ADIPOR1: variants seen among roughly 807,000 people sequenced by gnomAD.
ADIPOR1 encodes adiponectin receptor 1.
ADIPOR1 carries 15 observed loss-of-function variants against 37.5 expected under a neutral mutation model. The observed-to-expected ratio is 0.40, with a 90% CI of 0.27 to 0.62. The LOEUF (loss-of-function observed/expected upper bound fraction) is 0.62. Among genes scored for constraint, ADIPOR1 ranks in the 20% least tolerant of loss-of-function variants. The pLI is 0.42. For synonymous variants in ADIPOR1, 173 were observed against 173.2 expected, an observed-to-expected ratio of 1.00 and a Z score of 0.01; for missense variants, 286 against 478.0, an observed-to-expected ratio of 0.60 and a Z score of 3.75.
chr1:202,944,597 G>C (rs1003093131), intron 5 of ADIPOR1: 1 of 157,020 alleles, frequency 6.4e-6, no homozygotes, highest in African/African-American at 2.4e-5. Context: ...TTGACTGCTG[G>C]GTAGGAGCAC....
At chr1:202,955,228 C>CGT (rs1553244015) in intron 1 of ADIPOR1, among the ~76,000 whole-genome samples, 2 of 146,816 alleles carry the variant, frequency 1.4e-5, no homozygotes, top group Non-Finnish European at 3.0e-5. Flanking sequence ...CAACAGAAGT[C>CGT]TTTTTTTTTT....
chr1:202,954,456 T>C (rs137919576), intron 1 of ADIPOR1: 1 of 152,322 alleles, frequency 6.6e-6, no homozygotes, highest in Non-Finnish European at 1.5e-5. Flanking sequence ...TTTTAGTCTA[T>C]GGTGTAAAAT....
At chr1:202,942,817 T>C (rs745434498) in intron 6 of ADIPOR1, among the ~76,000 whole-genome samples, 3 of 152,104 alleles carry the variant, frequency 2.0e-5, no homozygotes, top group Non-Finnish European at 2.9e-5. Context: ...GGCACGTGGC[T>C]GGTGCTTGAT....
At position 202,940,891 on chromosome 1, in the gene ADIPOR1, A is replaced by T. The variant is rs1016414254; in HGVS notation, c.*682T>A. 1 of 152,626 alleles carries T rather than the reference A, an allele frequency of 6.6e-6. No homozygotes were observed. Among genetic ancestry groups the T allele is most frequent in the Non-Finnish European group, 1.5e-5 (1 of 68,040 alleles). The allele number at this position is 152,626 out of a possible 1,614,324, so 9.5% of individuals were successfully genotyped here. ...TTAACATCATAGTCTTTGCATCAAG[A>T]TACATAGCAATGATAGCAGGTTTCT... On this transcript the variant is annotated 3_prime_UTR_variant, in exon 8 of 8. Transcript: ENST00000340990.
chr1:202,951,060 T>A lies in ADIPOR1; in HGVS notation c.11A>T (p.His4Leu), dbSNP rs765487840. 1.9e-6 allele frequency: 3 copies of A among 1,613,968 alleles called. No homozygotes were observed. Among genetic ancestry groups the A allele is most frequent in the Non-Finnish European group, 2.5e-6 (3 of 1,180,012 alleles). Reference sequence around the variant, plus strand: ...CCCCTGTGCCACCACAGATCCTTTGTGGGAAGACATCTGGCTGGTACCTCA... The same window carrying A: ...CCCCTGTGCCACCACAGATCCTTTGAGGGAAGACATCTGGCTGGTACCTCA... MSS[H>L]KGSVVAQGNG... is the part of the protein sequence containing the mutation. The change falls in exon 2 of 8, where the codon CAC becomes CTC. Residue 4 changes from histidine to leucine, a missense_variant. Coordinates refer to ENST00000340990, the MANE Select transcript of ADIPOR1 (RefSeq NM_015999.6).
intron 5 of ADIPOR1, 187 bp downstream of exon 5, chr1:202,944,796 G>T: frequency 2.0e-6 from 1 of 493,978 alleles, no homozygotes; most frequent in Non-Finnish European, 3.6e-6. Flanking sequence ...GATGCAGTAA[G>T]TCTGTTCATG....
intron 1 of ADIPOR1, among the ~76,000 whole-genome samples, chr1:202,951,444 C>T (rs918346075): frequency 3.3e-5 from 5 of 152,096 alleles, no homozygotes; most frequent in African/African-American, 1.2e-4. Context: ...CATAGAAAAA[C>T]AGCTACCCAC....
rs1427324737 is a variant in ADIPOR1 at position 202,941,360 on chromosome 1, A to T, written c.*213T>A. ...TGCCTTGCTGAGGAGGGGATGGCTA[A>T]GTTTGACCATGCCCCATCCCCAGCT... On this transcript the variant is annotated 3_prime_UTR_variant, in exon 8 of 8. Coordinates refer to ENST00000340990, the MANE Select transcript of ADIPOR1 (RefSeq NM_015999.6). 4.5e-6 allele frequency: 2 copies of T among 439,864 alleles called. No individual in the cohort carries two copies. The highest frequency in any genetic ancestry group is 7.7e-6 in the Non-Finnish European group (2 of 258,506). 27.2% of individuals were successfully genotyped at this position (439,864 alleles called of 1,614,324 possible).
chr1:202,954,828 T>G (rs1654714722), intron 1 of ADIPOR1, among the ~76,000 whole-genome samples: 1 of 152,206 alleles, frequency 6.6e-6, no homozygotes, highest in Non-Finnish European at 1.5e-5. Context: ...CACTTATAGT[T>G]TTTGGAGACA....
chr1:202,946,353 C>G (rs569945430), intron 4 of ADIPOR1, 86 bp downstream of exon 4: 6 of 1,512,512 alleles, frequency 4.0e-6, no homozygotes, highest in Non-Finnish European at 5.4e-6. Flanking sequence ...AGCTGCCAAT[C>G]GATCTGAACA....
At position 202,951,164 on chromosome 1, in the gene ADIPOR1, A is replaced by G. The variant is rs1426436199; in HGVS notation, c.-94T>C. 17 of 1,441,656 alleles carry G rather than the reference A, an allele frequency of 1.2e-5. 1 individual carries two copies. In the Admixed American group the frequency reaches 3.2e-4, roughly 27 times the overall value. The allele number at this position is 1,441,656 out of a possible 1,614,324, so 89.3% of individuals were successfully genotyped here. A position where few individuals can be genotyped will look rare whatever the true frequency, so the allele number is the denominator to read the frequency against. The stretch of plus-strand genomic sequence containing the variant: ...CAGAGATCTCCCTCTGATGGTAGAC[A>G]CTAAAAGAAAATACAAACATGAAGG... On this transcript the variant is annotated splice_region_variant and 5_prime_UTR_variant, in exon 2 of 8. Transcript: ENST00000340990.
chr1:202,958,379 C>T (rs7517286), upstream of ADIPOR1: 61,901 of 152,526 alleles, frequency 0.41, 13,079 homozygotes, highest in East Asian at 0.62. Flanking sequence ...ATCCTAGGCC[C>T]TCTCGCGGAG....
At chr1:202,955,611 T>TCA (rs1024678742) in intron 1 of ADIPOR1, among the ~76,000 whole-genome samples, 40 of 151,792 alleles carry the variant, frequency 2.6e-4, no homozygotes, top group Admixed American at 2.0e-3. Context: ...CTTTTTGGAG[T>TCA]CAGGGTCTTG....
At chr1:202,956,677 G>A (rs1379505757) in intron 1 of ADIPOR1, among the ~76,000 whole-genome samples, 2 of 152,178 alleles carry the variant, frequency 1.3e-5, no homozygotes, top group African/African-American at 2.4e-5. Flanking sequence ...GGCATTCCAG[G>A]AGGGTATATG....
Position 202,945,171 on chromosome 1 carries a change from T to C in ADIPOR1, c.431-2A>G. The stretch of plus-strand genomic sequence containing the variant: ...CCAAAAAGAGAAACAGCACGAAACC[T>C]GCAGGAGGGTAAAATAAAAAAAACC... On this transcript the variant is annotated splice_acceptor_variant, in intron 4 of 7. Coordinates refer to ENST00000340990, the MANE Select transcript of ADIPOR1 (RefSeq NM_015999.6). LOFTEE classifies it high-confidence loss of function. 1 of 1,588,982 alleles carries C rather than the reference T, an allele frequency of 6.3e-7. No homozygotes were observed.
At chr1:202,946,957 A>C (rs1558012097) in intron 3 of ADIPOR1, among the ~76,000 whole-genome samples, 1 of 151,806 alleles carries the variant, frequency 6.6e-6, no homozygotes, top group Non-Finnish European at 1.5e-5. Context: ...TCTACTAAAA[A>C]CACAAAAAAT....
intron 6 of ADIPOR1, 94 bp from the exon 7 acceptor site, chr1:202,942,312 A>T (rs890090049): frequency 2.4e-6 from 3 of 1,240,382 alleles, no homozygotes; most frequent in Non-Finnish European, 3.3e-6. Context: ...GTTTATGATA[A>T]TTAGCTATTT....
intron 2 of ADIPOR1, among the ~76,000 whole-genome samples, 159 bp downstream of exon 2, chr1:202,950,768 AGAC>A (rs755606248): frequency 3.9e-5 from 6 of 152,256 alleles, no homozygotes; most frequent in Non-Finnish European, 7.3e-5. Flanking sequence ...TGGGGAAAGC[AGAC>A]AACAAGATGT....
chr1:202,955,048 T>A (rs565589637), intron 1 of ADIPOR1, among the ~76,000 whole-genome samples: 7 of 152,284 alleles, frequency 4.6e-5, no homozygotes, highest in African/African-American at 1.7e-4. Context: ...ATCTACTGTC[T>A]CTTAGGCAGG....
Sources: gnomAD v4.1 joint callset for allele counts (sites outside exome capture counted in the v4.1 genomes callset) on GRCh38, gnomAD v4.1.1 for gene constraint, MANE v1.5 for transcripts, NCBI Gene and HGNC (gene_info 2026-07-23, HGNC 2026-07-21) for gene names.